Variants in DYNC1I1 observed in about 807,000 individuals in gnomAD.
The protein encoded by DYNC1I1 is dynein cytoplasmic 1 intermediate chain 1, also known as cytoplasmic dynein 1 intermediate chain 1.
DYNC1I1 carries 43 observed loss-of-function variants against 86.6 expected under a neutral mutation model. The ratio of observed to expected loss-of-function variants is 0.50; its 90% CI spans 0.39 to 0.64. DYNC1I1 has a LOEUF of 0.64. Ranked by LOEUF, DYNC1I1 falls within the 30% of genes least tolerant of loss-of-function variation. The pLI, the probability that DYNC1I1 is intolerant of heterozygous loss-of-function variation, is 0.00. For synonymous variants in DYNC1I1, 262 were observed against 283.7 expected, an observed-to-expected ratio of 0.92 and a Z score of 0.77; for missense variants, 604 against 788.8, an observed-to-expected ratio of 0.77 and a Z score of 2.81.
intron 1 of DYNC1I1, among the ~76,000 whole-genome samples, chr7:95,791,240 G>T (rs1476393902): frequency 6.6e-6 from 1 of 151,918 alleles, no homozygotes; most frequent in Non-Finnish European, 1.5e-5. Flanking sequence ...TCACTTGGGG[G>T]TTGCAAAAAC....
At chr7:95,956,719 T>A (rs1584197934) in intron 6 of DYNC1I1, among the ~76,000 whole-genome samples, 3 of 152,244 alleles carry the variant, frequency 2.0e-5, no homozygotes, top group Admixed American at 2.0e-4. Context: ...AACTCATTCT[T>A]TTTTATGGCT....
chr7:95,937,752 T>C (rs1177008789), intron 6 of DYNC1I1, among the ~76,000 whole-genome samples: 1 of 152,016 alleles, frequency 6.6e-6, no homozygotes, highest in Non-Finnish European at 1.5e-5. Flanking sequence ...GCAAAAATAT[T>C]ATTATACTTT....
intron 10 of DYNC1I1, among the ~76,000 whole-genome samples, chr7:96,017,652 C>T (rs1423648873): frequency 6.6e-6 from 1 of 152,126 alleles, no homozygotes; most frequent in African/African-American, 2.4e-5. Context: ...TCCTCAGGTC[C>T]TGTGTTTATG....
chr7:96,058,748 C>T (rs1249379341), intron 14 of DYNC1I1, among the ~76,000 whole-genome samples: 1 of 151,858 alleles, frequency 6.6e-6, no homozygotes, highest in Admixed American at 6.6e-5. Context: ...GATTCTCCTG[C>T]CTCAGCCTCC....
At chr7:95,821,804 A>T (rs1299046212) in intron 4 of DYNC1I1, among the ~76,000 whole-genome samples, 3 of 152,162 alleles carry the variant, frequency 2.0e-5, no homozygotes, top group Non-Finnish European at 2.9e-5. Flanking sequence ...TTGGCATATT[A>T]CTTCCCAAAG....
rs184738046 is a variant in DYNC1I1, at chr7:95,878,661, A to G, written c.490+8663A>G. On this transcript the variant is annotated intron_variant, in intron 6 of 16. Coordinates refer to ENST00000447467, the MANE Select transcript of DYNC1I1 (RefSeq NM_001135556.2). ...GATAGATCAAAGAAAAAGGAGTAGA[A>G]AATACTCAAATAAATAATGGAATAA... Among the ~76,000 whole-genome samples the G allele has an allele frequency of 1.2e-3, 188 of 152,292 alleles. 1 individual carries two copies. Among genetic ancestry groups the G allele is most frequent in the African/African-American group, 4.4e-3 (182 of 41,562 alleles).
intron 16 of DYNC1I1, among the ~76,000 whole-genome samples, chr7:96,082,594 GTCTT>G (rs1399785501): frequency 6.6e-6 from 1 of 152,016 alleles, no homozygotes; most frequent in Non-Finnish European, 1.5e-5. Context: ...CTTTTGGAAA[GTCTT>G]TATTTTGACT....
At chr7:95,883,610 G>C (rs765780515) in intron 6 of DYNC1I1, among the ~76,000 whole-genome samples, 1 of 152,164 alleles carries the variant, frequency 6.6e-6, no homozygotes, top group South Asian at 2.1e-4. Context: ...ATGCATAAAT[G>C]TGTTAAATAT....
At chr7:96,064,169 G>A (rs1390817414) in intron 14 of DYNC1I1, among the ~76,000 whole-genome samples, 1 of 149,488 alleles carries the variant, frequency 6.7e-6, no homozygotes, top group Non-Finnish European at 1.5e-5. Flanking sequence ...TTCTTCTCCA[G>A]ACCAAACATA....
chr7:96,107,679 G>A (rs758048545), intron 16 of DYNC1I1, among the ~76,000 whole-genome samples: 22 of 151,566 alleles, frequency 1.5e-4, no homozygotes, highest in Admixed American at 5.3e-4. Flanking sequence ...TTACAGGTGC[G>A]TGCCACCACA....
intron 6 of DYNC1I1, among the ~76,000 whole-genome samples, chr7:95,893,899 G>A (rs935823664): frequency 1.3e-5 from 2 of 152,140 alleles, no homozygotes; most frequent in African/African-American, 4.8e-5. Context: ...AATTGGGTTT[G>A]GAATCTCTTT....
At chr7:96,026,999 G>A (rs909339481) in intron 10 of DYNC1I1, among the ~76,000 whole-genome samples, 10 of 152,346 alleles carry the variant, frequency 6.6e-5, no homozygotes, top group Admixed American at 4.6e-4. Context: ...AAAGGGACAC[G>A]TGGGGATGAA....
chr7:95,850,669 T>G (rs571066068), intron 5 of DYNC1I1, among the ~76,000 whole-genome samples: 1 of 152,352 alleles, frequency 6.6e-6, no homozygotes, highest in Admixed American at 6.5e-5. Context: ...TGGCCATAAC[T>G]TTTGCAGTTT....
chr7:95,890,129 T>C (rs756633421), intron 6 of DYNC1I1, among the ~76,000 whole-genome samples: 1 of 152,180 alleles, frequency 6.6e-6, no homozygotes, highest in Non-Finnish European at 1.5e-5. Context: ...GGCATATGCA[T>C]GTGTATGTTC....
intron 6 of DYNC1I1, among the ~76,000 whole-genome samples, chr7:95,959,192 G>T (rs1487523363): frequency 6.6e-6 from 1 of 152,164 alleles, no homozygotes; most frequent in African/African-American, 2.4e-5. Flanking sequence ...AAGGCGTCAT[G>T]TGGGGCTGGG....
At chr7:95,789,408 G>T (rs1483552673) in intron 1 of DYNC1I1, among the ~76,000 whole-genome samples, 2 of 152,186 alleles carry the variant, frequency 1.3e-5, no homozygotes, top group African/African-American at 2.4e-5. Context: ...TGCATAGTAA[G>T]GTAGCTGGAA....
At chr7:96,025,848 G>C (rs952281398) in intron 10 of DYNC1I1, among the ~76,000 whole-genome samples, 1 of 151,330 alleles carries the variant, frequency 6.6e-6, no homozygotes, top group Admixed American at 6.6e-5. Flanking sequence ...TGCGGGGGGG[G>C]GATATTTGCT....
chr7:96,100,566 G>A (rs1431146602), downstream of DYNC1I1, among the ~76,000 whole-genome samples: 1 of 151,960 alleles, frequency 6.6e-6, no homozygotes, highest in Non-Finnish European at 1.5e-5. Context: ...CCGGGGAGTA[G>A]CACTGGGATT....
intron 6 of DYNC1I1, among the ~76,000 whole-genome samples, chr7:95,923,941 G>A (rs545100383): frequency 1.3e-5 from 2 of 152,160 alleles, no homozygotes; most frequent in South Asian, 4.1e-4. Context: ...CCAAGGCATG[G>A]GAAGAATTTT....
Sources: allele counts gnomAD v4.1 joint callset (sites outside exome capture counted in the v4.1 genomes callset), GRCh38; gene constraint gnomAD v4.1.1; transcripts MANE v1.5; gene names NCBI Gene and HGNC (gene_info 2026-07-23, HGNC 2026-07-21).